The following GRID2 variants were observed in gnomAD, a reference collection of about 807,000 sequenced individuals.
GRID2 encodes the protein glutamate ionotropic receptor delta type subunit 2, also known as glutamate receptor ionotropic, delta-2.
Under a neutral mutation model 114.8 loss-of-function variants are expected in GRID2, and 33 were observed. That is an observed-to-expected ratio of 0.29 (90% CI 0.22 to 0.38). GRID2 has a LOEUF of 0.38. Ranked by LOEUF, GRID2 falls within the 10% of genes least tolerant of loss-of-function variation. The pLI is 1.00. For missense variants in GRID2, 1,184 were observed against 1,257.7 expected, an observed-to-expected ratio of 0.94 and a Z score of 0.89; for synonymous variants, 505 against 449.9, an observed-to-expected ratio of 1.12 and a Z score of -1.55.
intron 2 of GRID2, among the ~76,000 whole-genome samples, chr4:92,810,245 CT>C (rs1006068464): frequency 5.5e-4 from 78 of 142,630 alleles, no homozygotes; most frequent in East Asian, 1.0e-3. Flanking sequence ...TTAGGATGCA[CT>C]TTTTTTTTTT....
intron 2 of GRID2, among the ~76,000 whole-genome samples, chr4:92,852,464 A>G (rs1743890018): frequency 6.6e-6 from 1 of 150,942 alleles, no homozygotes; most frequent in Admixed American, 6.6e-5. Context: ...CTGAAGGGAA[A>G]CTCTTTCTTC....
At position 92,979,596 on chromosome 4, in the gene GRID2, C is replaced by T. The variant is rs80084629; in HGVS notation, c.245-105399C>T. 8.1e-3 allele frequency among the ~76,000 whole-genome samples: 1,234 copies of T among 152,162 alleles called. 7 individuals carry two copies. Among genetic ancestry groups the T allele is most frequent in the Non-Finnish European group, 0.012 (850 of 68,012 alleles). ...AAAGAGCAAGGTGTGATTTTGCCTT[C>T]GAACAATGACATATCCAACCTCATT... On this transcript the variant is annotated intron_variant, in intron 2 of 15. Transcript: ENST00000282020.
chr4:93,169,821 T>C (rs1220305834), intron 4 of GRID2, among the ~76,000 whole-genome samples: 4 of 152,190 alleles, frequency 2.6e-5, no homozygotes, highest in African/African-American at 7.2e-5. Flanking sequence ...TTCACCTAAA[T>C]GTAATTGCAG....
chr4:93,433,571 T>A (rs75056179), intron 10 of GRID2, among the ~76,000 whole-genome samples: 2 of 152,230 alleles, frequency 1.3e-5, no homozygotes, highest in Non-Finnish European at 2.9e-5. Context: ...AACAAGTATA[T>A]TTTTTGCCCA....
chr4:92,654,480 TGAA>T (rs1732126849), intron 2 of GRID2, among the ~76,000 whole-genome samples: 1 of 152,064 alleles, frequency 6.6e-6, no homozygotes, highest in African/African-American at 2.4e-5. Flanking sequence ...TATAAAAATT[TGAA>T]GAAGGTGACA....
At chr4:92,736,356 A>G (rs1736598319) in intron 2 of GRID2, among the ~76,000 whole-genome samples, 1 of 152,240 alleles carries the variant, frequency 6.6e-6, no homozygotes, top group Admixed American at 6.6e-5. Context: ...GATTTTAGCC[A>G]CATGAAATGA....
intron 3 of GRID2, among the ~76,000 whole-genome samples, chr4:93,104,248 G>T (rs1180201602): frequency 6.6e-6 from 1 of 152,118 alleles, no homozygotes; most frequent in Non-Finnish European, 1.5e-5. Context: ...TCTATTGCTG[G>T]TGTATCAAAT....
chr4:93,717,083 T>C (rs1004427784), intron 14 of GRID2, among the ~76,000 whole-genome samples: 2 of 152,198 alleles, frequency 1.3e-5, no homozygotes, highest in East Asian at 3.8e-4. Context: ...GAGTCTTCTT[T>C]ATAGCTCTGC....
intron 10 of GRID2, among the ~76,000 whole-genome samples, chr4:93,440,857 A>G (rs1254204428): frequency 6.6e-6 from 1 of 152,130 alleles, no homozygotes; most frequent in African/African-American, 2.4e-5. Context: ...AACTTGAATC[A>G]TTAAGTACTT....
At chr4:93,688,375 A>G (rs538808746) in intron 14 of GRID2, among the ~76,000 whole-genome samples, 2 of 152,040 alleles carry the variant, frequency 1.3e-5, no homozygotes, top group East Asian at 3.9e-4. Flanking sequence ...AGAATTAATT[A>G]ACAATGCTAT....
At chr4:93,395,767 C>A (rs1368792637) in intron 9 of GRID2, 59 bp downstream of exon 9, 2 of 747,518 alleles carry the variant, frequency 2.7e-6, no homozygotes, top group South Asian at 1.5e-5. Context: ...TCCTATATTT[C>A]TTTCTTTATT....
chr4:92,616,642 GTTCT>G (rs969837314), intron 2 of GRID2, among the ~76,000 whole-genome samples: 1 of 150,268 alleles, frequency 6.7e-6, no homozygotes, highest in African/African-American at 2.4e-5. Flanking sequence ...TTTTGTTTTT[GTTCT>G]TTGTTTTTTT....
At chr4:93,112,296 G>A (rs1010012738) in intron 4 of GRID2, 2 of 152,068 alleles carry the variant, frequency 1.3e-5, no homozygotes, top group African/African-American at 2.4e-5. Context: ...AAACAGAAGT[G>A]GTAATGATAT....
At chr4:92,838,842 T>C in intron 2 of GRID2, 1 of 151,938 alleles carries the variant, frequency 6.6e-6, no homozygotes, top group East Asian at 1.9e-4. Context: ...CTTTATCCTT[T>C]TAGGATCATT....
chr4:92,641,111 G>A (rs1210889775), intron 2 of GRID2, among the ~76,000 whole-genome samples: 2 of 151,688 alleles, frequency 1.3e-5, no homozygotes, highest in Non-Finnish European at 2.9e-5. Flanking sequence ...TTTATTCCCA[G>A]AAGTTTCTTT....
chr4:93,050,343 G>A (rs1401969771), intron 2 of GRID2, among the ~76,000 whole-genome samples: 2 of 151,846 alleles, frequency 1.3e-5, no homozygotes, highest in South Asian at 2.1e-4. Context: ...TTCTATCCTC[G>A]TTGCTTTTTT....
chr4:92,434,289 T>A (rs1224270425), intron 1 of GRID2, among the ~76,000 whole-genome samples: 1 of 152,164 alleles, frequency 6.6e-6, no homozygotes, highest in African/African-American at 2.4e-5. Context: ...CCAAAGCAAT[T>A]TTATAAGTTT....
At chr4:93,344,575 A>G (rs1760002786) in intron 8 of GRID2, among the ~76,000 whole-genome samples, 1 of 150,270 alleles carries the variant, frequency 6.7e-6, no homozygotes, top group African/African-American at 2.4e-5. Context: ...TTGTGAGAGC[A>G]TTGGAGAGCT....
At chr4:93,647,034 CAAAAT>C (rs969231945) in intron 14 of GRID2, among the ~76,000 whole-genome samples, 2 of 151,792 alleles carry the variant, frequency 1.3e-5, no homozygotes, top group Non-Finnish European at 2.9e-5. Flanking sequence ...CAGGAGAAAA[CAAAAT>C]AAATAAAAAT....
Sources: gnomAD v4.1 joint callset for allele counts (sites outside exome capture counted in the v4.1 genomes callset) on GRCh38, gnomAD v4.1.1 for gene constraint, MANE v1.5 for transcripts, NCBI Gene and HGNC (gene_info 2026-07-23, HGNC 2026-07-21) for gene names.